Variants in TLN2 observed in about 807,000 individuals in gnomAD.
The protein encoded by TLN2 is talin-2.
Under a neutral mutation model 294.7 loss-of-function variants are expected in TLN2, and 118 were observed. That is an observed-to-expected ratio of 0.40 (90% CI 0.34 to 0.47). TLN2 has a LOEUF of 0.47. Ranked by LOEUF, TLN2 falls within the 20% of genes least tolerant of loss-of-function variation. TLN2 has a pLI of 0.84. For missense variants in TLN2, 3,083 were observed against 3,282.2 expected, an observed-to-expected ratio of 0.94 and a Z score of 1.48; for synonymous variants, 1,431 against 1,304.5, an observed-to-expected ratio of 1.10 and a Z score of -2.09.
At chr15:62,655,427 C>T (rs969968432) in intron 7 of TLN2, among the ~76,000 whole-genome samples, 7 of 152,070 alleles carry the variant, frequency 4.6e-5, no homozygotes, top group African/African-American at 1.2e-4. Context: ...GTGTTGTCTC[C>T]GCTACTCCCT....
At chr15:62,702,683 A>G in intron 18 of TLN2, 83 bp from the exon 19 acceptor site, 1 of 1,396,006 alleles carries the variant, frequency 7.2e-7, no homozygotes, top group South Asian at 1.2e-5. Flanking sequence ...ATTCTGTGAG[A>G]TTCTACTTCC....
intron 32 of TLN2, among the ~76,000 whole-genome samples, chr15:62,748,084 T>C (rs1205703368): frequency 6.6e-6 from 1 of 152,066 alleles, no homozygotes; most frequent in East Asian, 1.9e-4. Flanking sequence ...ATTTGCACAG[T>C]GCAAACCCAT....
rs759518913 is a variant in TLN2, at chr15:62,771,123, G to A, written c.5356G>A (p.Gly1786Arg). ...GTTGTATGCAGCCAAAGAAGGTGGC[G>A]GAAACCCCAAGGTATGGTCCAGGAT... Reference protein sequence around the residue: ...QMLYAAKEGGGNPKAQHTHDA... With the variant: ...QMLYAAKEGGRNPKAQHTHDA... The change falls in exon 42 of 59, where the codon GGA becomes AGA. Residue 1786 changes from glycine to arginine, a missense_variant. By Grantham distance (125) the Gly-to-Arg change is moderately radical. Coordinates refer to ENST00000636159, the MANE Select transcript of TLN2 (RefSeq NM_015059.3). 1.4e-5 allele frequency: 23 copies of A among 1,609,492 alleles called. No homozygotes were observed. Among genetic ancestry groups the A allele is most frequent in the Non-Finnish European group, 1.9e-5 (22 of 1,177,188 alleles).
intron 1 of TLN2, among the ~76,000 whole-genome samples, chr15:62,581,800 T>C (rs1005247161): frequency 1.3e-5 from 2 of 151,970 alleles, no homozygotes; most frequent in Non-Finnish European, 2.9e-5. Context: ...TCCCAGCACT[T>C]TGGGAGGCCG....
At chr15:62,589,366 T>C (rs2045910525) in intron 1 of TLN2, among the ~76,000 whole-genome samples, 4 of 152,342 alleles carry the variant, frequency 2.6e-5, no homozygotes, top group Middle Eastern at 3.4e-3. Flanking sequence ...ATTTTTGTTT[T>C]CGACATTGAG....
At chr15:62,482,374 G>A (rs2038149110) in intron 1 of TLN2, among the ~76,000 whole-genome samples, 1 of 151,440 alleles carries the variant, frequency 6.6e-6, no homozygotes, top group Non-Finnish European at 1.5e-5. Context: ...AGGCCGAGGC[G>A]GGTGGATCAC....
chr15:62,608,507 C>T (rs564539989), intron 2 of TLN2, among the ~76,000 whole-genome samples: 10 of 151,924 alleles, frequency 6.6e-5, no homozygotes, highest in African/African-American at 2.4e-4. Context: ...ATGGCAGTGT[C>T]GTAGAGTAGG....
chr15:62,541,595 G>GGTGT (rs143474060), intron 1 of TLN2, among the ~76,000 whole-genome samples: 3 of 151,368 alleles, frequency 2.0e-5, no homozygotes. Flanking sequence ...TTTGCTCAGG[G>GGTGT]GTGTGTGTGT....
At chr15:62,525,654 C>T (rs2040694545) in intron 1 of TLN2, among the ~76,000 whole-genome samples, 1 of 152,042 alleles carries the variant, frequency 6.6e-6, no homozygotes, top group African/African-American at 2.4e-5. Context: ...CACTTTGTTC[C>T]CTTTTATTAC....
intron 29 of TLN2, 79 bp from the exon 30 acceptor site, chr15:62,738,135 G>T: frequency 1.3e-6 from 2 of 1,543,110 alleles, no homozygotes; most frequent in Non-Finnish European, 1.8e-6. Context: ...CTTCAGCTCT[G>T]CATGTTTCAC....
At chr15:62,646,383 A>G (rs994959463) in intron 3 of TLN2, among the ~76,000 whole-genome samples, 2 of 152,134 alleles carry the variant, frequency 1.3e-5, no homozygotes, top group Non-Finnish European at 2.9e-5. Flanking sequence ...GGCTGTCTCG[A>G]ACTCCTGAGT....
chr15:62,833,479 T>C, intron 54 of TLN2, 25 bp from the exon 55 acceptor site: 1 of 1,611,636 alleles, frequency 6.2e-7, no homozygotes. Context: ...GAATTGAATG[T>C]GATGCTGTTT....
At chr15:62,836,119 G>T in intron 57 of TLN2, 46 bp downstream of exon 57, 2 of 1,557,904 alleles carry the variant, frequency 1.3e-6, no homozygotes, top group Non-Finnish European at 1.7e-6. Flanking sequence ...GTTGGAGCGG[G>T]TAAGTGTCAC....
Position 62,702,032 on chromosome 15 carries a change from G to A in TLN2, c.1737G>A (p.Ala579=), listed in dbSNP as rs1408413239. The A allele has an allele frequency of 4.3e-6, 7 of 1,614,090 alleles. No homozygotes were observed. Among genetic ancestry groups the A allele is most frequent in the Middle Eastern group, 1.6e-4 (1 of 6,084 alleles). The change falls in exon 18 of 59, where the codon GCG becomes GCA. Residue 579 remains alanine (A), a synonymous_variant. Transcript: ENST00000636159. The part of the protein sequence containing the change: ...ADTDYTAVGC[A]ITTISSNLTE... ...CTGACTACACAGCTGTGGGATGTGC[G>A]ATCACCACTATTTCTTCCAACCTGA...
At chr15:62,410,397 A>G (rs1190582711) in intron 1 of TLN2, among the ~76,000 whole-genome samples, 2 of 152,358 alleles carry the variant, frequency 1.3e-5, no homozygotes, top group Middle Eastern at 3.4e-3. Context: ...CAAAATTTAT[A>G]GAACTGTATC....
chr15:62,822,526 G>A (rs889016809), intron 54 of TLN2, among the ~76,000 whole-genome samples: 3 of 152,314 alleles, frequency 2.0e-5, no homozygotes, highest in East Asian at 1.9e-4. Flanking sequence ...ACCAAGAGGC[G>A]AATTACCTTG....
chr15:62,806,241 G>C (rs1466469137), intron 51 of TLN2, among the ~76,000 whole-genome samples: 1 of 152,140 alleles, frequency 6.6e-6, no homozygotes, highest in Non-Finnish European at 1.5e-5. Flanking sequence ...CCAGCCTGTG[G>C]GAAATGACTC....
At chr15:62,706,177 A>G (rs930012110) in intron 19 of TLN2, among the ~76,000 whole-genome samples, 1 of 151,938 alleles carries the variant, frequency 6.6e-6, no homozygotes, top group Non-Finnish European at 1.5e-5. Flanking sequence ...TGTTCCAAAT[A>G]AAAATGGCTC....
intron 3 of TLN2, chr15:62,644,769 C>T (rs1053680070): frequency 3.1e-5 from 11 of 353,540 alleles, no homozygotes; most frequent in African/African-American, 2.1e-4. Context: ...GTGTTAGGTC[C>T]TGCTGTTACA....
Sources: gnomAD v4.1 joint callset for allele counts (sites outside exome capture counted in the v4.1 genomes callset) on GRCh38, gnomAD v4.1.1 for gene constraint, MANE v1.5 for transcripts, NCBI Gene and HGNC (gene_info 2026-07-23, HGNC 2026-07-21) for gene names.